The following MYRF variants were observed in gnomAD, a reference collection of about 807,000 sequenced individuals.
MYRF encodes myelin gene regulatory factor.
In MYRF, 16 loss-of-function variants were observed where a neutral mutation model predicts 126.3. That is an observed-to-expected ratio of 0.13 (90% CI 0.09 to 0.19). The LOEUF (loss-of-function observed/expected upper bound fraction) is 0.19, where lower values mean the gene tolerates loss of function less well. MYRF is among the 10% of genes least tolerant of loss of function. The pLI is 1.00. For missense variants in MYRF, 1,104 were observed against 1,547.0 expected (o/e 0.71, Z 4.80); for synonymous variants, 608 against 635.3 (o/e 0.96, Z 0.65).
In MYRF at chr11:61,781,575, C is replaced by T. The variant is rs779342364; in HGVS notation, c.2767C>T (p.Pro923Ser). ...CCTGTGCCTGGTTCTATCCACAGGC[C>T]CCAGCCAGATGGCCCTTCTGCCAGT... ...SPSPSTNRSG[P>S]SQMALLPVTN... Residue 923 changes from proline (P) to serine (S), a missense_variant and splice_region_variant, in exon 22 of 27, where the codon CCC becomes TCC. Pro to Ser is a moderately conservative substitution (Grantham distance 74, BLOSUM62 -1). Coordinates refer to ENST00000278836, the MANE Select transcript of MYRF (RefSeq NM_001127392.3). 2 of 1,613,220 alleles carry T rather than the reference C, an allele frequency of 1.2e-6. No individual in the cohort carries two copies. Among genetic ancestry groups the T allele is most frequent in the South Asian group, 1.1e-5 (1 of 91,006 alleles).
At chr11:61,755,495 C>T (rs893574153) in intron 1 of MYRF, 113 of 1,590,258 alleles carry the variant, frequency 7.1e-5, no homozygotes, top group Non-Finnish European at 8.7e-5. Context: ...AGGGCAGGCA[C>T]GGGACAGGGC....
intron 1 of MYRF, among the ~76,000 whole-genome samples, chr11:61,756,620 G>A (rs1215980766): frequency 6.6e-6 from 1 of 150,746 alleles, no homozygotes; most frequent in African/African-American, 2.4e-5. Flanking sequence ...CAGGGCAGGG[G>A]TGGGGGGTGG....
Position 61,780,969 on chromosome 11 carries a change from G to C in MYRF, c.2496G>C (p.Gln832His). The change falls in exon 20 of 27, where the codon CAG becomes CAC. Residue 832 changes from glutamine to histidine, a missense_variant. Physicochemically the swap from Gln to His is conservative, Grantham distance 24. This residue lies in a region of MYRF where 323 missense variants were observed against 383.1 expected (regional missense o/e 0.84). Transcript: ENST00000278836. ...GSEALCPWSS[Q>H]SFGTTQLRQS... The stretch of plus-strand genomic sequence containing the variant: ...CATCCTTCCCCAGCAGGTCCAGCCA[G>C]AGCTTTGGGACCACGCAGCTCCGAC... 2 of 1,610,010 alleles carry C rather than the reference G, an allele frequency of 1.2e-6. No homozygotes were observed. Among genetic ancestry groups the C allele is most frequent in the Non-Finnish European group, 1.7e-6 (2 of 1,179,986 alleles).
In MYRF at chr11:61,775,444, A is replaced by C. The variant is rs1372773238; in HGVS notation, c.1312-612A>C. Among the ~76,000 whole-genome samples, 4 of 151,968 alleles carry C rather than the reference A, an allele frequency of 2.6e-5. No homozygotes were observed. In the East Asian group the frequency reaches 7.7e-4, roughly 29 times the overall value. The stretch of plus-strand genomic sequence containing the variant: ...CCCAGGGGCCCCTCCCCTAAGACCC[A>C]TTGGGAGGCACCACAGCACAACCCC... On this transcript the variant is annotated intron_variant, in intron 8 of 26. Transcript: ENST00000278836.
chr11:61,765,923 C>G, intron 2 of MYRF, 35 bp from the exon 3 acceptor site: 1 of 1,473,078 alleles, frequency 6.8e-7, no homozygotes, highest in Non-Finnish European at 9.0e-7. Flanking sequence ...GGGCTGGGGT[C>G]CTGGCTGGAG....
intron 25 of MYRF, chr11:61,785,516 G>C: frequency 2.0e-6 from 1 of 506,014 alleles, no homozygotes; most frequent in Non-Finnish European, 3.6e-6. Flanking sequence ...GATGTGCCCA[G>C]AGCATAGTGG....
In MYRF at chr11:61,783,705, T is replaced by A; in HGVS notation, c.3119+105T>A. The A allele has an allele frequency of 7.5e-7, 1 of 1,339,234 alleles. No individual in the cohort carries two copies. The highest frequency in any genetic ancestry group is 1.1e-6 in the Non-Finnish European group (1 of 949,318). The allele number at this position is 1,339,234 out of a possible 1,614,324, so 83.0% of individuals were successfully genotyped here. On this transcript the variant is annotated intron_variant, in intron 23 of 26. Transcript: ENST00000278836. The surrounding 1 kb of genome is among the most constrained non-coding windows in gnomAD (Gnocchi z 4.6). ...CCCTTTCAGGGAGGAGCCTCCCCCA[T>A]AAGGAAGGGTAGCCCCTTTCCAGGC... is the stretch of plus-strand genomic sequence containing the variant.
At chr11:61,771,132 A>T (rs889529453) in intron 5 of MYRF, among the ~76,000 whole-genome samples, 1 of 152,170 alleles carries the variant, frequency 6.6e-6, no homozygotes, top group Non-Finnish European at 1.5e-5. Context: ...CCTGCTCTCC[A>T]TAGAGCCCCC....
intron 22 of MYRF, 46 bp downstream of exon 22, chr11:61,781,870 T>C: frequency 6.7e-7 from 1 of 1,493,426 alleles, no homozygotes; most frequent in Non-Finnish European, 8.9e-7. Context: ...CTGGCAAGGC[T>C]CACTGGCCAG....
At position 61,757,352 on chromosome 11, in the gene MYRF, C is replaced by T. The variant is rs1476568395; in HGVS notation, c.46+4562C>T. On this transcript the variant is annotated intron_variant, in intron 1 of 26. Transcript: ENST00000278836. This position sits in a 1 kb window ranked among gnomAD's most constrained non-coding sequence, Gnocchi z 4.7. ...GCCGTATCAGGGCACCGCTGTGCCT[C>T]CGCTTTCTCATCTGTAAAACGGGAG... 2.2e-6 allele frequency: 1 copy of T among 455,088 alleles called. No individual in the cohort carries two copies. Among genetic ancestry groups the T allele is most frequent in the East Asian group, 7.0e-5 (1 of 14,380 alleles). The allele number at this position is 455,088 out of a possible 1,614,324, so 28.2% of individuals were successfully genotyped here.
chr11:61,772,645 G>A (rs893939186), intron 7 of MYRF, among the ~76,000 whole-genome samples: 1 of 152,226 alleles, frequency 6.6e-6, no homozygotes, highest in Non-Finnish European at 1.5e-5. Flanking sequence ...GCAGTCGTAT[G>A]GCACTCCAGC....
At position 61,770,306 on chromosome 11, in the gene MYRF, G is replaced by A. The variant is rs200370195; in HGVS notation, c.521G>A (p.Arg174His). ...ETLCHVGVPSRLEHPPPPPAH... is the reference protein window; with the variant it reads ...ETLCHVGVPSHLEHPPPPPAH... ...CTGTGCCACGTGGGAGTGCCCTCCC[G>A]CCTGGAGCATCCGCCCCCACCTCCA... The change falls in exon 5 of 27, where the codon CGC becomes CAC. Residue 174 changes from arginine to histidine, a missense_variant. Arg to His is a conservative substitution (Grantham distance 29, BLOSUM62 0). Around this residue, in one of 10 missense-constraint regions of MYRF, gnomAD observed 368 missense variants for 403.9 expected, o/e 0.91. Coordinates refer to ENST00000278836, the MANE Select transcript of MYRF (RefSeq NM_001127392.3). 8.0e-4 allele frequency: 1,283 copies of A among 1,602,592 alleles called. 1 individual carries two copies. Among genetic ancestry groups the A allele is most frequent in the Non-Finnish European group, 9.7e-4 (1,146 of 1,176,264 alleles).
At chr11:61,772,991 G>A (rs1591108813) in intron 7 of MYRF, among the ~76,000 whole-genome samples, 1 of 145,592 alleles carries the variant, frequency 6.9e-6, no homozygotes, top group Non-Finnish European at 1.5e-5. Flanking sequence ...TAAGCCACAG[G>A]CCAACAGTTG....
At chr11:61,785,054 T>G (rs1450150667) in intron 25 of MYRF, 1 of 152,752 alleles carries the variant, frequency 6.5e-6, no homozygotes, top group Non-Finnish European at 1.5e-5. Context: ...TGGGTGGGCC[T>G]AGCTGCAGGG....
In MYRF at chr11:61,783,506, C is replaced by T; in HGVS notation, c.3025C>T (p.Leu1009Phe). Residue 1009 changes from leucine to phenylalanine, a missense_variant, in exon 23 of 27, where the codon CTT becomes TTT. Leu to Phe is a conservative substitution (Grantham distance 22). Coordinates refer to ENST00000278836, the MANE Select transcript of MYRF (RefSeq NM_001127392.3). This position sits in a 1 kb window ranked among gnomAD's most constrained non-coding sequence, Gnocchi z 4.6. Reference sequence around the variant, plus strand: ...TACTCCTGCCCCAACAGCCTCTCTCCTTGCAGAGCCAGTGCCCTCCCTGAC... The same window carrying T: ...TACTCCTGCCCCAACAGCCTCTCTCTTTGCAGAGCCAGTGCCCTCCCTGAC... ...TWAQGQSASL[L>F]AEPVPSLTSI... is the part of the protein sequence containing the mutation. 6.2e-7 allele frequency: 1 copy of T among 1,613,638 alleles called. No homozygotes were observed. Among genetic ancestry groups the T allele is most frequent in the Non-Finnish European group, 8.5e-7 (1 of 1,179,868 alleles).
Position 61,778,572 on chromosome 11 carries a change from G to A in MYRF, c.2013+83G>A. 9.8e-7 allele frequency: 1 copy of A among 1,020,660 alleles called. No homozygotes were observed. The highest frequency in any genetic ancestry group is 2.4e-5 in the East Asian group (1 of 41,760). The allele number at this position is 1,020,660 out of a possible 1,614,324, so 63.2% of individuals were successfully genotyped here. ...ACACTCATCACCTCCATAGATACTG[G>A]GGGCACTGCAAAGCAGAGGCAGGAG... On this transcript the variant is annotated intron_variant, in intron 14 of 26. Coordinates refer to ENST00000278836, the MANE Select transcript of MYRF (RefSeq NM_001127392.3). The surrounding 1 kb of genome is among the most constrained non-coding windows in gnomAD (Gnocchi z 4.6).
chr11:61,762,634 C>G (rs953485302), intron 1 of MYRF, among the ~76,000 whole-genome samples: 1 of 152,190 alleles, frequency 6.6e-6, no homozygotes, highest in South Asian at 2.1e-4. Context: ...GGCAAGCCCC[C>G]ACCCTTGTCT....
At position 61,781,712 on chromosome 11, in the gene MYRF, G is replaced by A. The variant is rs141753838; in HGVS notation, c.2904G>A (p.Gly968=). 60 of 1,613,376 alleles carry A rather than the reference G, an allele frequency of 3.7e-5. No homozygotes were observed. The highest frequency in any genetic ancestry group is 4.9e-5 in the Non-Finnish European group (58 of 1,180,004). ...LASPAVPFPG[G]QGKAKNSPSL... ...GCCCTGCAGTCCCCTTCCCTGGGGG[G>A]CAGGGCAAAGCCAAGAACAGTCCCA... The change falls in exon 22 of 27, where the codon GGG becomes GGA. Residue 968 remains glycine, a synonymous_variant. Coordinates refer to ENST00000278836, the MANE Select transcript of MYRF (RefSeq NM_001127392.3).
intron 1 of MYRF, among the ~76,000 whole-genome samples, chr11:61,763,140 G>A (rs904946495): frequency 1.3e-5 from 2 of 152,136 alleles, no homozygotes; most frequent in Non-Finnish European, 2.9e-5. Flanking sequence ...CAGCGGCCAG[G>A]GTGGGGGCGA....
Sources: allele counts gnomAD v4.1 joint callset (sites outside exome capture counted in the v4.1 genomes callset), GRCh38; gene constraint gnomAD v4.1.1; regional missense constraint gnomAD v4.1.1; non-coding constraint Gnocchi (gnomAD v3.1); transcripts MANE v1.5; gene names NCBI Gene and HGNC (gene_info 2026-07-23, HGNC 2026-07-21).